RGPD1: variants seen among roughly 807,000 people sequenced by gnomAD.
The protein encoded by RGPD1 is RANBP2-like and GRIP domain-containing protein 1.
RGPD1 carries 7 observed loss-of-function variants against 40.6 expected under a neutral mutation model. The observed-to-expected ratio is 0.17, with a 90% CI of 0.10 to 0.32. The LOEUF (loss-of-function observed/expected upper bound fraction) is 0.32. Among genes scored for constraint, RGPD1 ranks in the 10% least tolerant of loss-of-function variants. The pLI, the probability that RGPD1 is intolerant of heterozygous loss-of-function variation, is 1.00. For synonymous variants in RGPD1, 24 were observed against 167.0 expected (o/e 0.14, Z 6.60); for missense variants, 50 against 472.5 (o/e 0.11, Z 8.29).
At chr2:86,942,772 C>T (rs893628675) in intron 1 of RGPD1, among the ~76,000 whole-genome samples, 1 of 151,610 alleles carries the variant, frequency 6.6e-6, no homozygotes, top group Non-Finnish European at 1.5e-5. Context: ...CTGGCGCGCT[C>T]TGTTGAGGCG....
Position 86,942,273 on chromosome 2 carries a change from G to A in RGPD1, c.37G>A (p.Ala13Thr), listed in dbSNP as rs1679849936. The A allele has an allele frequency of 1.9e-6, 3 of 1,606,922 alleles. No individual in the cohort carries two copies. Among genetic ancestry groups the A allele is most frequent in the East Asian group, 2.2e-5 (1 of 44,670 alleles). Residue 13 changes from alanine to threonine, a missense_variant, in exon 1 of 23, where the codon GCC (alanine) becomes ACC (threonine). Ala to Thr is a moderately conservative substitution (Grantham distance 58). Transcript: ENST00000641458. ...RSKAYGERYV[A>T]SVQGSAPSPG... ...CAAGGCCTACGGGGAGCGGTACGTCGCCTCGGTGCAGGGCTCCGCCCCGTC... is the reference window on the plus strand; with the variant it reads ...CAAGGCCTACGGGGAGCGGTACGTCACCTCGGTGCAGGGCTCCGCCCCGTC...
chr2:86,942,874 GC>G (rs1679992713), intron 1 of RGPD1, among the ~76,000 whole-genome samples: 1 of 151,946 alleles, frequency 6.6e-6, no homozygotes, highest in African/African-American at 2.4e-5. Flanking sequence ...TACCTTTGGC[GC>G]CGGATCTTCC....
At chr2:86,920,184 C>T (rs1456597172) in intron 1 of RGPD1, among the ~76,000 whole-genome samples, 2 of 151,892 alleles carry the variant, frequency 1.3e-5, no homozygotes, top group African/African-American at 4.8e-5. Context: ...ATTCTTGTGC[C>T]TCAGCCTCCT....
intron 1 of RGPD1, chr2:86,930,755 A>C (rs1573583589): frequency 7.1e-7 from 1 of 1,398,786 alleles, no homozygotes; most frequent in African/African-American, 1.6e-5. Flanking sequence ...CCCGAGCCAT[A>C]CCTCCACCTA....
upstream of RGPD1, among the ~76,000 whole-genome samples, chr2:86,941,390 CTTT>C (rs1163415939): frequency 5.6e-5 from 8 of 142,064 alleles, no homozygotes; most frequent in East Asian, 2.0e-4. Context: ...ATTCCTTTTC[CTTT>C]TTTTTTTTTT....
intron 22 of RGPD1, among the ~76,000 whole-genome samples, chr2:87,009,035 G>C (rs1347635857): frequency 6.7e-6 from 1 of 149,900 alleles, no homozygotes; most frequent in African/African-American, 2.5e-5. Flanking sequence ...GCCAGGCATG[G>C]TGGCTTACGC....
At chr2:86,933,574 C>G (rs993570346) in intron 1 of RGPD1, among the ~76,000 whole-genome samples, 1 of 131,308 alleles carries the variant, frequency 7.6e-6, no homozygotes, top group Non-Finnish European at 1.6e-5. Context: ...AAAATTGTTA[C>G]TTTCTTTCGT....
chr2:86,928,273 T>G (rs1011302585), intron 1 of RGPD1, among the ~76,000 whole-genome samples: 1 of 151,398 alleles, frequency 6.6e-6, no homozygotes, highest in African/African-American at 2.4e-5. Context: ...GAGTGGGAGG[T>G]AGAGAAAACC....
At position 86,914,418 on chromosome 2, in the gene RGPD1, GGGCGGCGGCGGCGGC is replaced by G. The variant is rs1175704937; in HGVS notation, c.72+540_72+554del. On this transcript the variant is annotated intron_variant, in intron 1 of 22. Transcript: ENST00000398193. ...CGGCGGCGGCGGCCTCGACCTGGCC[GGGCGGCGGCGGCGGC>G]GGCGGCGGCGGCGGCGGCGGCGGCG... 3.6e-3 allele frequency among the ~76,000 whole-genome samples: 35 copies of G among 9,836 alleles called. 5 individuals carry two copies. The highest frequency in any genetic ancestry group is 5.9e-3 in the Non-Finnish European group (31 of 5,264). 6.5% of individuals were successfully genotyped at this position (9,836 alleles called of 152,430 possible).
intron 4 of RGPD1, among the ~76,000 whole-genome samples, chr2:86,957,143 A>G (rs1271505040): frequency 6.9e-6 from 1 of 144,442 alleles, no homozygotes; most frequent in African/African-American, 2.6e-5. Context: ...ATGGAAGAGC[A>G]TCGCAAATGA....
chr2:86,996,214 C>CT (rs1333748485), intron 21 of RGPD1, among the ~76,000 whole-genome samples: 4 of 3,298 alleles, frequency 1.2e-3, no homozygotes, highest in East Asian at 8.1e-3. Context: ...GTTATATTTT[C>CT]TTTTTTTTTT....
At position 86,930,156 on chromosome 2, in the gene RGPD1, G is replaced by C. The variant is rs542188438; in HGVS notation, c.72+16235G>C. ...GGCAGGAGGGGGGTGTGGGGGCAGG[G>C]GTCACCCCTGCCCCAGACTCACCCT... On this transcript the variant is annotated intron_variant, in intron 1 of 22. Transcript: ENST00000398193. 1.5e-5 allele frequency: 22 copies of C among 1,455,730 alleles called. 1 individual carries two copies. In the East Asian group the frequency reaches 4.9e-4, roughly 32 times the overall value. The allele number at this position is 1,455,730 out of a possible 1,614,324, so 90.2% of individuals were successfully genotyped here. A position where few individuals can be genotyped will look rare whatever the true frequency, so the allele number is the denominator to read the frequency against.
rs1174110236 is a variant in RGPD1 at position 86,988,441 on chromosome 2, CAAAAAAAA to C, written c.4900+653_4900+660del. Among the ~76,000 whole-genome samples the C allele has an allele frequency of 9.0e-5, 3 of 33,246 alleles. 1 individual carries two copies. The highest frequency in any genetic ancestry group is 3.3e-4 in the African/African-American group (3 of 9,092). The allele number at this position is 33,246 out of a possible 152,430, so 21.8% of individuals were successfully genotyped here. On this transcript the variant is annotated intron_variant, in intron 20 of 22. Transcript: ENST00000641458. Reference sequence around the variant, plus strand: ...GCCTGACTGAGTGAGACTTTGTCTCCAAAAAAAAAAAAAAAAAACAAAAAAACAAAAAA... The same window carrying C: ...GCCTGACTGAGTGAGACTTTGTCTCCAAAAAAAAAACAAAAAAACAAAAAA...
intron 6 of RGPD1, among the ~76,000 whole-genome samples, chr2:86,962,564 A>G (rs1391999291): frequency 1.6e-4 from 21 of 129,884 alleles, no homozygotes; most frequent in African/African-American, 6.6e-4. Flanking sequence ...AATGATCTAT[A>G]TAGTAAAAAG....
intron 1 of RGPD1, among the ~76,000 whole-genome samples, chr2:86,935,931 C>T (rs1302652671): frequency 6.8e-6 from 1 of 147,062 alleles, no homozygotes; most frequent in African/African-American, 2.5e-5. Flanking sequence ...ACTACTTCTT[C>T]CATCTTGCAT....
chr2:86,942,907 G>A (rs1336461432), intron 1 of RGPD1, among the ~76,000 whole-genome samples: 1 of 151,982 alleles, frequency 6.6e-6, no homozygotes, highest in African/African-American at 2.4e-5. Context: ...GTTTGTTCCC[G>A]ACGGTGCTCG....
chr2:87,006,428 TG>T (rs1682042785), intron 22 of RGPD1, among the ~76,000 whole-genome samples: 1 of 56,134 alleles, frequency 1.8e-5, no homozygotes, highest in African/African-American at 1.0e-4. Context: ...TAAAATGTAT[TG>T]TGAAAATTAA....
In RGPD1 at chr2:86,942,141, C is replaced by T. The variant is rs1042285347; in HGVS notation, c.-96C>T. On this transcript the variant is annotated 5_prime_UTR_variant, in exon 1 of 23. The change creates a new upstream start codon in the 5' untranslated region. Transcript: ENST00000641458. The stretch of plus-strand genomic sequence containing the variant: ...CGTCACAGTGGTCCTCCGCCGGCTA[C>T]GTCAGTGGCTTTCAGGCGCTTTCCT... 1.7e-5 allele frequency: 25 copies of T among 1,486,732 alleles called. No homozygotes were observed. The highest frequency in any genetic ancestry group is 2.4e-4 in the Middle Eastern group (1 of 4,118). 92.1% of individuals were successfully genotyped at this position (1,486,732 alleles called of 1,614,324 possible).
upstream of RGPD1, chr2:86,913,784 G>T (rs1293708263): frequency 1.1e-5 from 16 of 1,450,522 alleles, 1 homozygote; most frequent in East Asian, 4.4e-4. Flanking sequence ...TTTCCTGTTG[G>T]AATTGGCGAC....
Sources: allele counts gnomAD v4.1 joint callset (sites outside exome capture counted in the v4.1 genomes callset), GRCh38; gene constraint gnomAD v4.1.1; transcripts MANE v1.5; gene names NCBI Gene and HGNC (gene_info 2026-07-23, HGNC 2026-07-21).